The following CRPPA variants were observed in gnomAD, a reference collection of about 807,000 sequenced individuals.
CRPPA encodes D-ribitol-5-phosphate cytidylyltransferase.
In CRPPA, 43 loss-of-function variants were observed where a neutral mutation model predicts 52.0. That is an observed-to-expected ratio of 0.83 (90% CI 0.65 to 1.07). The LOEUF (loss-of-function observed/expected upper bound fraction) is 1.07. CRPPA is among the 50% of genes least tolerant of loss of function. The pLI, the probability that CRPPA is intolerant of heterozygous loss-of-function variation, is 0.00. For missense variants in CRPPA, 629 were observed against 551.7 expected, an observed-to-expected ratio of 1.14 and a Z score of -1.40; for synonymous variants, 250 against 203.5, an observed-to-expected ratio of 1.23 and a Z score of -1.94.
In CRPPA at chr7:16,089,882, A is replaced by G. The variant is rs1326433065; in HGVS notation, c.*1813T>C. On this transcript the variant is annotated 3_prime_UTR_variant, in exon 10 of 10. Transcript: ENST00000407010. ...ATTTTGCTGTGCCACAAATATGCCC[A>G]GTTTACTGCATTCTTCTTCAAGGCA... 6.2e-6 allele frequency: 1 copy of G among 161,568 alleles called. No homozygotes were observed. Among genetic ancestry groups the G allele is most frequent in the African/African-American group, 2.4e-5 (1 of 41,534 alleles). 10.0% of individuals were successfully genotyped at this position (161,568 alleles called of 1,614,324 possible).
chr7:16,327,067 AC>A (rs1163228591), intron 3 of CRPPA, among the ~76,000 whole-genome samples: 2 of 152,116 alleles, frequency 1.3e-5, no homozygotes, highest in Non-Finnish European at 2.9e-5. Flanking sequence ...CCACAACTTA[AC>A]TTTTTGTTCT....
intron 8 of CRPPA, among the ~76,000 whole-genome samples, chr7:16,219,813 C>T (rs1435865012): frequency 6.8e-6 from 1 of 148,140 alleles, no homozygotes; most frequent in Non-Finnish European, 1.5e-5. Flanking sequence ...AGTTTACCAA[C>T]CAAAAAGAGT....
At chr7:16,321,387 C>T (rs1040979323) in intron 3 of CRPPA, among the ~76,000 whole-genome samples, 12 of 152,016 alleles carry the variant, frequency 7.9e-5, no homozygotes, top group African/African-American at 2.9e-4. Flanking sequence ...GAATTATTAA[C>T]CTTATATGAC....
intron 9 of CRPPA, among the ~76,000 whole-genome samples, chr7:16,102,971 T>C (rs1228072629): frequency 3.9e-5 from 6 of 152,154 alleles, no homozygotes; most frequent in Non-Finnish European, 5.9e-5. Flanking sequence ...ACCCAAAGGA[T>C]TATAAATCAT....
chr7:16,241,350 T>TG (rs1783102210), intron 8 of CRPPA, among the ~76,000 whole-genome samples: 4 of 152,162 alleles, frequency 2.6e-5, no homozygotes, highest in Admixed American at 2.0e-4. Flanking sequence ...AAATTCCCCC[T>TG]GGTAATTTAT....
At chr7:16,337,584 G>GA (rs894412625) in intron 3 of CRPPA, among the ~76,000 whole-genome samples, 15 of 150,022 alleles carry the variant, frequency 1.0e-4, no homozygotes, top group Non-Finnish European at 1.6e-4. Context: ...AAAACTACAG[G>GA]AAAAAAAAAT....
chr7:16,107,636 C>G (rs1265583973), intron 9 of CRPPA, among the ~76,000 whole-genome samples: 2 of 151,674 alleles, frequency 1.3e-5, no homozygotes, highest in African/African-American at 4.8e-5. Flanking sequence ...TAAACTGAAA[C>G]AAAAAGCTGT....
intron 3 of CRPPA, among the ~76,000 whole-genome samples, chr7:16,320,478 A>G (rs921923556): frequency 2.6e-5 from 4 of 152,152 alleles, no homozygotes; most frequent in African/African-American, 9.7e-5. Flanking sequence ...TTTTATGGTA[A>G]CCACATAATG....
chr7:16,398,143 CAT>C (rs1387898922), intron 2 of CRPPA, among the ~76,000 whole-genome samples: 2 of 152,060 alleles, frequency 1.3e-5, no homozygotes, highest in Non-Finnish European at 2.9e-5. Flanking sequence ...TTGACTGACA[CAT>C]GACATGTGAA....
chr7:16,236,155 C>G (rs1333057377), intron 8 of CRPPA, among the ~76,000 whole-genome samples: 1 of 152,030 alleles, frequency 6.6e-6, no homozygotes, highest in African/African-American at 2.4e-5. Context: ...GAGGAAACAA[C>G]TCAGAACTCA....
intron 9 of CRPPA, among the ~76,000 whole-genome samples, chr7:16,112,554 T>G (rs1782288172): frequency 6.6e-6 from 1 of 152,176 alleles, no homozygotes; most frequent in African/African-American, 2.4e-5. Flanking sequence ...ATGACTGATG[T>G]GTAACTTTTC....
chr7:16,096,793 C>A (rs889420465), intron 9 of CRPPA, among the ~76,000 whole-genome samples: 1 of 151,968 alleles, frequency 6.6e-6, no homozygotes, highest in African/African-American at 2.4e-5. Context: ...AAATAGAGAC[C>A]AGCTAAAAAG....
At chr7:16,230,381 G>A (rs1312617968) in intron 8 of CRPPA, among the ~76,000 whole-genome samples, 1 of 151,498 alleles carries the variant, frequency 6.6e-6, no homozygotes, top group Non-Finnish European at 1.5e-5. Flanking sequence ...CTTGTGCTTG[G>A]CCAATTCTGC....
intron 3 of CRPPA, among the ~76,000 whole-genome samples, chr7:16,357,248 T>G (rs958834280): frequency 6.6e-6 from 1 of 152,132 alleles, no homozygotes; most frequent in Non-Finnish European, 1.5e-5. Context: ...GCACAATCTC[T>G]GCTCACTGCA....
intron 3 of CRPPA, among the ~76,000 whole-genome samples, chr7:16,358,389 T>C (rs1402217453): frequency 1.3e-5 from 2 of 152,126 alleles, no homozygotes; most frequent in Non-Finnish European, 2.9e-5. Context: ...GATTAAGTGG[T>C]ACAATATATA....
At chr7:16,127,747 A>G (rs1364352440) in intron 9 of CRPPA, among the ~76,000 whole-genome samples, 1 of 152,176 alleles carries the variant, frequency 6.6e-6, no homozygotes, top group Admixed American at 6.6e-5. Context: ...AAAATTAATA[A>G]TTGCATCTCA....
chr7:16,100,617 T>C (rs940238431), intron 9 of CRPPA, among the ~76,000 whole-genome samples: 1 of 152,208 alleles, frequency 6.6e-6, no homozygotes. Context: ...TTTGACTTCC[T>C]CTCTTCCTAT....
At chr7:16,218,158 A>T (rs372063601) in intron 8 of CRPPA, among the ~76,000 whole-genome samples, 1 of 151,642 alleles carries the variant, frequency 6.6e-6, no homozygotes, top group Non-Finnish European at 1.5e-5. Flanking sequence ...AAGAAAAGAA[A>T]TTTCAACCCA....
rs544886858 is a variant in CRPPA, at chr7:16,154,495, C to T, written c.1251+61571G>A. 8.0e-4 allele frequency among the ~76,000 whole-genome samples: 122 copies of T among 152,152 alleles called. 1 individual carries two copies. Among genetic ancestry groups the T allele is most frequent in the African/African-American group, 2.5e-3 (105 of 41,512 alleles). On this transcript the variant is annotated intron_variant, in intron 9 of 9. Transcript: ENST00000407010. ...ATTATATGTTAAATGTGAGGAAATGCTTACAGAGAAGAGTATATCATATAT... is the reference window on the plus strand; with the variant it reads ...ATTATATGTTAAATGTGAGGAAATGTTTACAGAGAAGAGTATATCATATAT...
Sources: gnomAD v4.1 joint callset for allele counts (sites outside exome capture counted in the v4.1 genomes callset) on GRCh38, gnomAD v4.1.1 for gene constraint, MANE v1.5 for transcripts, NCBI Gene and HGNC (gene_info 2026-07-23, HGNC 2026-07-21) for gene names.